Variants in OTUD7A observed in about 807,000 individuals in gnomAD.
OTUD7A encodes OTU domain-containing protein 7A.
In OTUD7A, 12 loss-of-function variants were observed where a neutral mutation model predicts 65.7. The observed-to-expected ratio is 0.18, with a 90% CI of 0.12 to 0.30. OTUD7A has a LOEUF of 0.30. OTUD7A is among the 10% of genes least tolerant of loss of function. The pLI, the probability that OTUD7A is intolerant of heterozygous loss-of-function variation, is 1.00. For missense variants in OTUD7A, 1,148 were observed against 1,304.8 expected (o/e 0.88, Z 1.85); for synonymous variants, 641 against 586.3 (o/e 1.09, Z -1.35).
intron 5 of OTUD7A, among the ~76,000 whole-genome samples, chr15:31,550,782 T>A (rs993209673): frequency 2.0e-5 from 3 of 152,308 alleles, no homozygotes; most frequent in African/African-American, 7.2e-5. Context: ...AGCCCAAGGA[T>A]ATTTAAATAG....
At chr15:31,740,346 G>A (rs749433982) in intron 1 of OTUD7A, among the ~76,000 whole-genome samples, 11 of 152,000 alleles carry the variant, frequency 7.2e-5, no homozygotes, top group African/African-American at 2.2e-4. Context: ...ACCAGGAGTC[G>A]CTGCAGGCTT....
intron 1 of OTUD7A, among the ~76,000 whole-genome samples, chr15:31,740,105 G>T (rs1361318782): frequency 2.6e-5 from 4 of 152,208 alleles, no homozygotes; most frequent in African/African-American, 9.7e-5. Context: ...GGAGTGTGAG[G>T]ACATGAGTGG....
chr15:31,518,666 C>G (rs551482480), intron 8 of OTUD7A, among the ~76,000 whole-genome samples: 6 of 152,216 alleles, frequency 3.9e-5, no homozygotes, highest in Non-Finnish European at 8.8e-5. Context: ...GTCCTTACTC[C>G]TTTTCACAGG....
At chr15:31,523,576 A>C (rs1209784963) in intron 8 of OTUD7A, among the ~76,000 whole-genome samples, 4 of 152,158 alleles carry the variant, frequency 2.6e-5, no homozygotes, top group Admixed American at 6.5e-5. Context: ...CTCCTCCCTG[A>C]ATCCATGCCT....
intron 1 of OTUD7A, among the ~76,000 whole-genome samples, chr15:31,716,559 G>A (rs1405355050): frequency 5.3e-5 from 7 of 133,284 alleles, no homozygotes; most frequent in Admixed American, 2.5e-4. Flanking sequence ...GATGGCTCCC[G>A]TGAGAATGTG....
rs75790389 is a variant in OTUD7A at position 31,854,537 on chromosome 15, C to T, written c.-100+15970G>A. On this transcript the variant is annotated intron_variant, in intron 1 of 12. Transcript: ENST00000307050. ...CACCTCCAATGATGTCAGGCAAAGTCCTGAAGCTGCCATCACTCTGGTTCT... is the reference window on the plus strand; with the variant it reads ...CACCTCCAATGATGTCAGGCAAAGTTCTGAAGCTGCCATCACTCTGGTTCT... Among the ~76,000 whole-genome samples, 601 of 152,296 alleles carry T rather than the reference C, an allele frequency of 3.9e-3. 1 individual carries two copies. The highest frequency in any genetic ancestry group is 7.8e-3 in the Admixed American group (120 of 15,304).
chr15:31,617,313 C>G (rs967891310), intron 3 of OTUD7A, among the ~76,000 whole-genome samples: 4 of 151,950 alleles, frequency 2.6e-5, no homozygotes, highest in Admixed American at 2.0e-4. Context: ...ATGGTGAAAC[C>G]CCGTCTCTAC....
At chr15:31,851,708 C>G (rs1357302936) in intron 1 of OTUD7A, among the ~76,000 whole-genome samples, 1 of 152,202 alleles carries the variant, frequency 6.6e-6, no homozygotes, top group African/African-American at 2.4e-5. Flanking sequence ...TAGGGCTTGG[C>G]CCTTCTGGCT....
intron 1 of OTUD7A, chr15:31,767,322 A>G (rs1320486464): frequency 1.3e-6 from 1 of 788,002 alleles, no homozygotes; most frequent in Non-Finnish European, 2.3e-6. Flanking sequence ...AATGTTCACA[A>G]GTAATTCGTA....
intron 1 of OTUD7A, chr15:31,767,412 A>G (rs1180209611): frequency 3.9e-6 from 3 of 775,240 alleles, no homozygotes; most frequent in Admixed American, 1.7e-5. Flanking sequence ...TTCAAATCCA[A>G]CATAAGTTGG....
intron 3 of OTUD7A, among the ~76,000 whole-genome samples, chr15:31,641,032 A>T (rs1176887879): frequency 1.3e-5 from 2 of 152,152 alleles, no homozygotes; most frequent in East Asian, 3.8e-4. Context: ...TCCCCACCCA[A>T]ATCTCACTTT....
intron 3 of OTUD7A, among the ~76,000 whole-genome samples, chr15:31,593,173 T>C (rs1237523273): frequency 2.6e-5 from 4 of 151,982 alleles, no homozygotes; most frequent in African/African-American, 7.3e-5. Context: ...CATTCGGTGA[T>C]AGGAATTTTT....
chr15:31,765,273 T>C (rs183372400), intron 1 of OTUD7A, among the ~76,000 whole-genome samples: 28 of 152,208 alleles, frequency 1.8e-4, no homozygotes, highest in Admixed American at 1.2e-3. Flanking sequence ...AAAGAATATA[T>C]AGAAGAGTGC....
chr15:31,769,143 T>C (rs1404843895), intron 1 of OTUD7A, among the ~76,000 whole-genome samples: 1 of 152,148 alleles, frequency 6.6e-6, no homozygotes, highest in Non-Finnish European at 1.5e-5. Flanking sequence ...ACAAAATACA[T>C]AGGTCAAAAG....
intron 1 of OTUD7A, among the ~76,000 whole-genome samples, chr15:31,793,139 T>C (rs1030582448): frequency 6.6e-6 from 1 of 152,062 alleles, no homozygotes; most frequent in African/African-American, 2.4e-5. Context: ...CAACCCCCCA[T>C]GCACCTTCCC....
intron 3 of OTUD7A, among the ~76,000 whole-genome samples, chr15:31,622,351 C>T (rs1325317582): frequency 6.6e-6 from 1 of 152,194 alleles, no homozygotes; most frequent in Non-Finnish European, 1.5e-5. Context: ...TAATATCCTG[C>T]AGAGTGTTTT....
At chr15:31,781,739 T>A (rs533453311) in intron 1 of OTUD7A, among the ~76,000 whole-genome samples, 1 of 152,248 alleles carries the variant, frequency 6.6e-6, no homozygotes, top group South Asian at 2.1e-4. Flanking sequence ...ATCTCACCCA[T>A]CATTGACTGA....
chr15:31,584,611 T>C (rs73374536), intron 3 of OTUD7A, among the ~76,000 whole-genome samples: 3,962 of 152,308 alleles, frequency 0.026, 172 homozygotes, highest in African/African-American at 0.09. Context: ...CCTGGGAGGA[T>C]ATACCATACA....
At chr15:31,776,097 G>A (rs8042229) in intron 1 of OTUD7A, among the ~76,000 whole-genome samples, 76,351 of 152,038 alleles carry the variant, frequency 0.5, 21,083 homozygotes, top group South Asian at 0.67. Flanking sequence ...GAGGCGCCCC[G>A]TCATTGTGCA....
Sources: gnomAD v4.1 joint callset for allele counts (sites outside exome capture counted in the v4.1 genomes callset) on GRCh38, gnomAD v4.1.1 for gene constraint, MANE v1.5 for transcripts, NCBI Gene and HGNC (gene_info 2026-07-23, HGNC 2026-07-21) for gene names.